The following PAX5 variants were observed in gnomAD, a reference collection of about 807,000 sequenced individuals.
PAX5 encodes paired box 5, also known as paired box protein Pax-5.
Under a neutral mutation model 43.7 loss-of-function variants are expected in PAX5, and 9 were observed. The observed-to-expected ratio is 0.21, with a 90% CI of 0.12 to 0.36. PAX5 has a LOEUF of 0.36. Ranked by LOEUF, PAX5 falls within the 10% of genes least tolerant of loss-of-function variation. The pLI, the probability that PAX5 is intolerant of heterozygous loss-of-function variation, is 1.00. For synonymous variants in PAX5, 228 were observed against 214.3 expected, an observed-to-expected ratio of 1.06 and a Z score of -0.56; for missense variants, 383 against 532.7, an observed-to-expected ratio of 0.72 and a Z score of 2.77.
chr9:36,891,456 T>G (rs2131815501), intron 7 of PAX5, among the ~76,000 whole-genome samples: 1 of 152,336 alleles, frequency 6.6e-6, no homozygotes. Flanking sequence ...CAGCTGGTGT[T>G]GGAAATGTGT....
intron 8 of PAX5, among the ~76,000 whole-genome samples, chr9:36,851,781 G>A (rs763515845): frequency 1.3e-5 from 2 of 152,154 alleles, no homozygotes; most frequent in Admixed American, 6.5e-5. Context: ...CAGGGCATCC[G>A]GGCTGATCCC....
intron 7 of PAX5, among the ~76,000 whole-genome samples, chr9:36,897,943 C>A (rs968731591): frequency 2.0e-5 from 3 of 152,162 alleles, no homozygotes; most frequent in African/African-American, 7.2e-5. Flanking sequence ...TGGTCAGGGG[C>A]AACACACACA....
intron 1 of PAX5, among the ~76,000 whole-genome samples, chr9:37,030,013 C>G (rs573215323): frequency 6.6e-6 from 1 of 152,096 alleles, no homozygotes; most frequent in Non-Finnish European, 1.5e-5. Context: ...GGAATATGCC[C>G]GCACACGCAG....
chr9:36,951,518 A>G (rs565633162), intron 6 of PAX5, among the ~76,000 whole-genome samples: 1 of 152,338 alleles, frequency 6.6e-6, no homozygotes, highest in South Asian at 2.1e-4. Context: ...ATATCATCTG[A>G]TAATGAGATT....
At chr9:36,880,721 C>A (rs1826340372) in intron 8 of PAX5, among the ~76,000 whole-genome samples, 1 of 152,240 alleles carries the variant, frequency 6.6e-6, no homozygotes, top group African/African-American at 2.4e-5. Flanking sequence ...TGCCACCACA[C>A]CTGGCTAAGT....
intron 6 of PAX5, among the ~76,000 whole-genome samples, chr9:36,948,714 C>T (rs891100756): frequency 6.6e-6 from 1 of 152,164 alleles, no homozygotes; most frequent in African/African-American, 2.4e-5. Context: ...AGTGCAAATG[C>T]CCCATCACTG....
At position 36,904,586 on chromosome 9, in the gene PAX5, T is replaced by G. The variant is rs542034858; in HGVS notation, c.910+18769A>C. The stretch of plus-strand genomic sequence containing the variant: ...TAATAGAGATAAATTAGAGAGAGAT[T>G]TTTTTCCTGAGCTGTGAACTTGGCC... On this transcript the variant is annotated intron_variant, in intron 7 of 9. Coordinates refer to ENST00000358127, the MANE Select transcript of PAX5 (RefSeq NM_016734.3). 1.8e-4 allele frequency among the ~76,000 whole-genome samples: 28 copies of G among 151,928 alleles called. 1 individual carries two copies. In the South Asian group the frequency reaches 4.6e-3, roughly 25 times the overall value.
chr9:36,884,640 A>C (rs1381396400), intron 7 of PAX5, among the ~76,000 whole-genome samples: 1 of 152,232 alleles, frequency 6.6e-6, no homozygotes, highest in Non-Finnish European at 1.5e-5. Context: ...TAGCCAGTAC[A>C]ATACGATAAG....
Position 37,026,488 on chromosome 9 carries a change from G to A in PAX5, c.47-5687C>T, listed in dbSNP as rs139677884. The A allele has an allele frequency of 3.0e-4, 395 of 1,311,368 alleles. No individual in the cohort carries two copies. The African/African-American group carries it at 5.4e-3, about 18-fold the overall frequency. 81.2% of individuals were successfully genotyped at this position (1,311,368 alleles called of 1,614,324 possible). The stretch of plus-strand genomic sequence containing the variant: ...ACCCACGGTCCGGCACCCCCAACCC[G>A]GTCCCGGCGGGAGAGTGAGAGAAGC... On this transcript the variant is annotated intron_variant, in intron 1 of 9. Transcript: ENST00000358127.
Position 36,865,027 on chromosome 9 carries a change from A to G in PAX5, c.1012+16977T>C, listed in dbSNP as rs962560171. Among the ~76,000 whole-genome samples the G allele has an allele frequency of 1.9e-4, 29 of 152,214 alleles. 1 individual carries two copies. The highest frequency in any genetic ancestry group is 8.8e-5 in the Non-Finnish European group (6 of 68,024). On this transcript the variant is annotated intron_variant, in intron 8 of 9. Coordinates refer to ENST00000358127, the MANE Select transcript of PAX5 (RefSeq NM_016734.3). ...CCCGCGAAGGAACAATGCTTGACTG[A>G]TCTAGCTGCGTTAACGAGCAAATTA... is the stretch of plus-strand genomic sequence containing the variant.
At chr9:36,883,506 A>AT (rs574232561) in intron 7 of PAX5, among the ~76,000 whole-genome samples, 16 of 151,888 alleles carry the variant, frequency 1.1e-4, no homozygotes, top group South Asian at 2.1e-4. Flanking sequence ...TTTACTAAAA[A>AT]ATATATATAT....
At chr9:36,936,296 C>T (rs1831545588) in intron 6 of PAX5, among the ~76,000 whole-genome samples, 1 of 152,206 alleles carries the variant, frequency 6.6e-6, no homozygotes, top group Non-Finnish European at 1.5e-5. Flanking sequence ...ATGGGGACTC[C>T]CTGTCTGGGA....
chr9:36,930,591 A>G (rs903678428), intron 6 of PAX5, among the ~76,000 whole-genome samples: 3 of 152,230 alleles, frequency 2.0e-5, no homozygotes, highest in African/African-American at 7.2e-5. Flanking sequence ...AGACTGAACT[A>G]GGAGTGATAA....
chr9:36,892,246 A>T (rs929391468), intron 7 of PAX5, among the ~76,000 whole-genome samples: 7 of 152,226 alleles, frequency 4.6e-5, no homozygotes, highest in Non-Finnish European at 1.0e-4. Context: ...TTCCCAGGGC[A>T]AAGTGGGCTA....
intron 6 of PAX5, among the ~76,000 whole-genome samples, chr9:36,965,409 C>T (rs1834335063): frequency 6.6e-6 from 1 of 152,200 alleles, no homozygotes; most frequent in South Asian, 2.1e-4. Flanking sequence ...TGCTCTGCCT[C>T]TCTGGACCTT....
chr9:36,968,046 G>A (rs1227433543), intron 5 of PAX5, among the ~76,000 whole-genome samples: 1 of 152,218 alleles, frequency 6.6e-6, no homozygotes, highest in African/African-American at 2.4e-5. Flanking sequence ...GGCCTCGGGG[G>A]TACATCATTC....
At chr9:36,942,834 G>A (rs902206988) in intron 6 of PAX5, among the ~76,000 whole-genome samples, 2 of 152,242 alleles carry the variant, frequency 1.3e-5, no homozygotes, top group South Asian at 2.1e-4. Flanking sequence ...GCTTTTGCCT[G>A]CAAGAGAGTG....
chr9:36,978,009 G>A (rs1835596247), intron 5 of PAX5, among the ~76,000 whole-genome samples: 1 of 152,252 alleles, frequency 6.6e-6, no homozygotes, highest in African/African-American at 2.4e-5. Flanking sequence ...GAGCTGTTCA[G>A]CATCACTATC....
At chr9:36,934,707 C>T (rs1420079433) in intron 6 of PAX5, among the ~76,000 whole-genome samples, 1 of 152,202 alleles carries the variant, frequency 6.6e-6, no homozygotes, top group East Asian at 1.9e-4. Context: ...CTCTGTGTTC[C>T]TAAAATGGCT....
Sources: allele counts gnomAD v4.1 joint callset (sites outside exome capture counted in the v4.1 genomes callset), GRCh38; gene constraint gnomAD v4.1.1; transcripts MANE v1.5; gene names NCBI Gene and HGNC (gene_info 2026-07-23, HGNC 2026-07-21).